Variants in EMILIN2 observed in about 807,000 individuals in gnomAD.
EMILIN2 encodes the protein EMILIN-2.
A neutral mutation model predicts 87.1 loss-of-function variants in EMILIN2; 71 were observed. That is an observed-to-expected ratio of 0.82 (90% CI 0.67 to 0.99). EMILIN2 has a LOEUF of 0.99. Among genes scored for constraint, EMILIN2 ranks in the 50% least tolerant of loss-of-function variants. The pLI, the probability that EMILIN2 is intolerant of heterozygous loss-of-function variation, is 0.00. For missense variants in EMILIN2, 1,407 were observed against 1,371.8 expected (o/e 1.03, Z -0.40); for synonymous variants, 581 against 563.4 (o/e 1.03, Z -0.44).
intron 2 of EMILIN2, among the ~76,000 whole-genome samples, chr18:2,857,985 G>A (rs569654913): frequency 1.7e-3 from 266 of 152,132 alleles, no homozygotes; most frequent in African/African-American, 6.1e-3. Flanking sequence ...AAAATAACTG[G>A]CAAGGCAAGG....
rs1598500186 is a variant in EMILIN2 at position 2,892,237 on chromosome 18, G to A, written c.2110G>A (p.Gly704Ser). 1.9e-6 allele frequency: 3 copies of A among 1,612,540 alleles called. No individual in the cohort carries two copies. Among genetic ancestry groups the A allele is most frequent in the Non-Finnish European group, 2.5e-6 (3 of 1,178,764 alleles). Residue 704 changes from glycine (G) to serine (S), a missense_variant, in exon 4 of 8, where the codon GGC becomes AGC. Gly to Ser is a moderately conservative substitution (Grantham distance 56). Coordinates refer to ENST00000254528, the MANE Select transcript of EMILIN2 (RefSeq NM_032048.3). ...CCAGAGGGAGGTCTCCATGGTGGAG[G>A]GCAGGGTGTCTCATATGGAGAAAAC... ...GVQREVSMVE[G>S]RVSHMEKTCS...
intron 2 of EMILIN2, among the ~76,000 whole-genome samples, chr18:2,874,949 C>T (rs920014246): frequency 2.6e-5 from 4 of 152,188 alleles, no homozygotes; most frequent in Admixed American, 2.6e-4. Flanking sequence ...GAAATTGATT[C>T]CAAGTGGGAT....
intron 5 of EMILIN2, among the ~76,000 whole-genome samples, chr18:2,907,415 G>A (rs1178959787): frequency 6.6e-6 from 1 of 152,226 alleles, no homozygotes. Context: ...AGCTTGGGTA[G>A]CAGCAAAGCA....
Position 2,885,063 on chromosome 18 carries a change from A to G in EMILIN2, c.357A>G (p.Gln119=). 6.2e-7 allele frequency: 1 copy of G among 1,613,870 alleles called. No homozygotes were observed. Among genetic ancestry groups the G allele is most frequent in the South Asian group, 1.1e-5 (1 of 90,982 alleles). The change falls in exon 3 of 8, where the codon CAA becomes CAG. Residue 119 remains glutamine (Q), a synonymous_variant. Transcript: ENST00000254528. ...CTGGCTTTAGAGGGGGAGATTGCCA[A>G]GAAGGTCCCAAAGACCCCGTGAAGA... ...CCPGFRGGDC[Q]EGPKDPVKTL...
Position 2,914,029 on chromosome 18 carries a change from G to A in EMILIN2, c.*625G>A, listed in dbSNP as rs1045034641. 6.5e-6 allele frequency: 1 copy of A among 152,760 alleles called. No individual in the cohort carries two copies. Among genetic ancestry groups the A allele is most frequent in the South Asian group, 2.1e-4 (1 of 4,830 alleles). 9.5% of individuals were successfully genotyped at this position (152,760 alleles called of 1,614,324 possible). ...TCCTTAAATGGCATGTACAATTTAA[G>A]TGCAAAGACAGGGAGTGTCAATAAA... On this transcript the variant is annotated 3_prime_UTR_variant, in exon 8 of 8. Coordinates refer to ENST00000254528, the MANE Select transcript of EMILIN2 (RefSeq NM_032048.3).
intron 2 of EMILIN2, among the ~76,000 whole-genome samples, chr18:2,879,876 T>C (rs775836432): frequency 6.6e-6 from 1 of 151,988 alleles, no homozygotes; most frequent in Non-Finnish European, 1.5e-5. Flanking sequence ...TGGCTAACTT[T>C]TAAAGATTTT....
At chr18:2,876,999 T>G (rs1253043993) in intron 2 of EMILIN2, among the ~76,000 whole-genome samples, 1 of 152,260 alleles carries the variant, frequency 6.6e-6, no homozygotes, top group Non-Finnish European at 1.5e-5. Flanking sequence ...ATATGTGATG[T>G]AGCAGAAAGA....
rs1598509542 is a variant in EMILIN2, at chr18:2,913,705, C to T, written c.*301C>T. 4 of 311,656 alleles carry T rather than the reference C, an allele frequency of 1.3e-5. No homozygotes were observed. Among genetic ancestry groups the T allele is most frequent in the East Asian group, 1.4e-4 (2 of 13,966 alleles). The allele number at this position is 311,656 out of a possible 1,614,324, so 19.3% of individuals were successfully genotyped here. A position where few individuals can be genotyped will look rare whatever the true frequency, so the allele number is the denominator to read the frequency against. On this transcript the variant is annotated 3_prime_UTR_variant, in exon 8 of 8. Transcript: ENST00000254528. ...GGGCCCTGGACTGGGCCTGAGCTTGCCACAGAGGCTCCGTCTGACTGTGGG... is the reference window on the plus strand; with the variant it reads ...GGGCCCTGGACTGGGCCTGAGCTTGTCACAGAGGCTCCGTCTGACTGTGGG...
At chr18:2,875,607 C>A (rs1449018856) in intron 2 of EMILIN2, among the ~76,000 whole-genome samples, 2 of 152,224 alleles carry the variant, frequency 1.3e-5, no homozygotes, top group African/African-American at 4.8e-5. Context: ...TCCCCACCTC[C>A]CCACGCTTAG....
In EMILIN2 at chr18:2,847,982, GGGGGT is replaced by G; in HGVS notation, c.257+62_257+66del. 2.6e-6 allele frequency: 4 copies of G among 1,522,722 alleles called. No homozygotes were observed. Among genetic ancestry groups the G allele is most frequent in the Non-Finnish European group, 3.5e-6 (4 of 1,137,192 alleles). The allele number at this position is 1,522,722 out of a possible 1,614,324, so 94.3% of individuals were successfully genotyped here. ...CGGGGCGCGCCCGGGCCGGGGCGGT[GGGGGT>G]GGGGTGGGGTTGCTGCGCTGGGCTC... is the stretch of plus-strand genomic sequence containing the variant. On this transcript the variant is annotated intron_variant, in intron 2 of 7. Coordinates refer to ENST00000254528, the MANE Select transcript of EMILIN2 (RefSeq NM_032048.3). This position sits in a 1 kb window ranked among gnomAD's most constrained non-coding sequence, Gnocchi z 4.5.
At chr18:2,896,847 G>A (rs1413975613) in intron 4 of EMILIN2, among the ~76,000 whole-genome samples, 3 of 151,932 alleles carry the variant, frequency 2.0e-5, no homozygotes, top group Non-Finnish European at 4.4e-5. Flanking sequence ...GAGACAAAAG[G>A]TCCACAAGTC....
At chr18:2,876,134 A>ACC (rs1418586965) in intron 2 of EMILIN2, among the ~76,000 whole-genome samples, 2 of 151,870 alleles carry the variant, frequency 1.3e-5, no homozygotes, top group African/African-American at 4.8e-5. Flanking sequence ...GGCGCGTGCC[A>ACC]CCACACCCAG....
intron 2 of EMILIN2, among the ~76,000 whole-genome samples, chr18:2,864,551 C>T (rs2076676946): frequency 6.6e-6 from 1 of 152,194 alleles, no homozygotes; most frequent in South Asian, 2.1e-4. Flanking sequence ...TATTGGCCCC[C>T]ACTCTCTTCT....
chr18:2,905,920 G>A (rs1371547634), intron 4 of EMILIN2, among the ~76,000 whole-genome samples: 2 of 152,076 alleles, frequency 1.3e-5, no homozygotes, highest in Non-Finnish European at 2.9e-5. Flanking sequence ...CACCGCGCCC[G>A]GCCCGCTTAG....
intron 4 of EMILIN2, among the ~76,000 whole-genome samples, chr18:2,896,228 T>A (rs1040431180): frequency 8.5e-5 from 13 of 152,088 alleles, no homozygotes; most frequent in African/African-American, 3.1e-4. Context: ...GGGGCTGGAG[T>A]GCAGTGGCGT....
intron 4 of EMILIN2, 130 bp from the exon 5 acceptor site, chr18:2,906,653 C>A: frequency 1.4e-6 from 1 of 708,824 alleles, no homozygotes; most frequent in Non-Finnish European, 1.9e-6. Flanking sequence ...GCTGGCCTGA[C>A]GTCGCAGGGG....
In EMILIN2 at chr18:2,847,745, C is replaced by T; in HGVS notation, c.135-64C>T. 6.3e-7 allele frequency: 1 copy of T among 1,587,640 alleles called. No homozygotes were observed. The highest frequency in any genetic ancestry group is 1.3e-5 in the African/African-American group (1 of 74,740). ...TCGGTCTGGTGCCGCAGTCCCCTCT[C>T]CCCTGGCCTCATTGTTCTCCGGGTT... is the stretch of plus-strand genomic sequence containing the variant. On this transcript the variant is annotated intron_variant, in intron 1 of 7. Transcript: ENST00000254528. This position sits in a 1 kb window ranked among gnomAD's most constrained non-coding sequence, Gnocchi z 4.5.
intron 2 of EMILIN2, among the ~76,000 whole-genome samples, chr18:2,867,896 A>G (rs1268463896): frequency 4.6e-5 from 7 of 150,900 alleles, no homozygotes; most frequent in Admixed American, 2.1e-4. Flanking sequence ...GTGGCCGGGC[A>G]GAGGGGCTCC....
rs2076592662 is a variant in EMILIN2, at chr18:2,849,480, C to T, written c.257+1549C>T. On this transcript the variant is annotated intron_variant, in intron 2 of 7. Coordinates refer to ENST00000254528, the MANE Select transcript of EMILIN2 (RefSeq NM_032048.3). Reference sequence around the variant, plus strand: ...AAATTATTTTAGCTGCTTGGAAAACCAAAGGATGATTTAATTGTTCTATTT... The same window carrying T: ...AAATTATTTTAGCTGCTTGGAAAACTAAAGGATGATTTAATTGTTCTATTT... Among the ~76,000 whole-genome samples, 4 of 151,966 alleles carry T rather than the reference C, an allele frequency of 2.6e-5. 1 individual carries two copies. The highest frequency in any genetic ancestry group is 2.6e-4 in the Admixed American group (4 of 15,260).
Sources: gnomAD v4.1 joint callset for allele counts (sites outside exome capture counted in the v4.1 genomes callset) on GRCh38, gnomAD v4.1.1 for gene constraint, Gnocchi (gnomAD v3.1) non-coding constraint, MANE v1.5 for transcripts, NCBI Gene and HGNC (gene_info 2026-07-23, HGNC 2026-07-21) for gene names.